Variants in SLC12A9 observed in about 807,000 individuals in gnomAD.
The protein encoded by SLC12A9 is solute carrier family 12 member 9.
In SLC12A9, 55 loss-of-function variants were observed where a neutral mutation model predicts 66.0. The ratio of observed to expected loss-of-function variants is 0.83; its 90% CI spans 0.67 to 1.04. The LOEUF is 1.04. Among genes scored for constraint, SLC12A9 ranks in the 50% least tolerant of loss-of-function variants. The pLI is 0.00. For missense variants in SLC12A9, 1,061 were observed against 1,241.9 expected, an observed-to-expected ratio of 0.85 and a Z score of 2.19; for synonymous variants, 577 against 569.0, an observed-to-expected ratio of 1.01 and a Z score of -0.20.
chr7:100,861,044 C>T lies in SLC12A9; in HGVS notation c.1219-94C>T, dbSNP rs1441159687. On this transcript the variant is annotated intron_variant, in intron 9 of 13. Transcript: ENST00000354161. The surrounding 1 kb of genome is among the most constrained non-coding windows in gnomAD (Gnocchi z 5.3). ...TGGCACTTTCTGGGGCTCATTGACA[C>T]TTTGGGGTACACTGGCATTCTTTGG... 11 of 1,603,506 alleles carry T rather than the reference C, an allele frequency of 6.9e-6. No homozygotes were observed. Among genetic ancestry groups the T allele is most frequent in the Middle Eastern group, 1.6e-4 (1 of 6,076 alleles).
In SLC12A9 at chr7:100,862,709, G is replaced by A. The variant is rs72615164; in HGVS notation, c.1740G>A (p.Pro580=). The change falls in exon 13 of 14, where the codon CCG becomes CCA. Residue 580 remains proline (P), a synonymous_variant. Coordinates refer to ENST00000354161, the MANE Select transcript of SLC12A9 (RefSeq NM_020246.4). The part of the protein sequence containing the change: ...LDSLPSDPVQ[P]QYGAWLSLVD... ...CCCTGCCCTCGGACCCTGTACAGCC[G>A]CAGTATGGGGCATGGCTCAGCCTGG... 0.024 allele frequency: 38,240 copies of A among 1,614,118 alleles called. 3,572 individuals carry two copies. The East Asian group carries it at 0.34, about 14-fold the overall frequency.
At chr7:100,840,444 C>T (rs1202208762) in intron 1 of SLC12A9, among the ~76,000 whole-genome samples, 1 of 152,130 alleles carries the variant, frequency 6.6e-6, no homozygotes, top group Non-Finnish European at 1.5e-5. Context: ...AACCTGTAAG[C>T]CAGGGAACCC....
chr7:100,861,666 G>A lies in SLC12A9; in HGVS notation c.1537-71G>A, dbSNP rs1336147842. 2.5e-5 allele frequency: 40 copies of A among 1,609,518 alleles called. No homozygotes were observed. The highest frequency in any genetic ancestry group is 5.0e-5 in the Admixed American group (3 of 59,948). ...CTCTTTGGCTGGAGTTGGTGCTCCC[G>A]TCCAGGAGGCGCTGAACGGGGCTGT... On this transcript the variant is annotated intron_variant, in intron 11 of 13. Coordinates refer to ENST00000354161, the MANE Select transcript of SLC12A9 (RefSeq NM_020246.4). The surrounding 1 kb of genome is among the most constrained non-coding windows in gnomAD (Gnocchi z 5.3).
intron 1 of SLC12A9, among the ~76,000 whole-genome samples, chr7:100,838,887 A>G (rs1338571880): frequency 2.0e-5 from 3 of 152,180 alleles, no homozygotes; most frequent in African/African-American, 7.2e-5. Context: ...CAGACATTGT[A>G]TAGAAAGGCA....
Position 100,857,033 on chromosome 7 carries a change from C to T in SLC12A9, c.614C>T (p.Ala205Val), listed in dbSNP as rs199624213. 1 of 1,614,230 alleles carries T rather than the reference C, an allele frequency of 6.2e-7. No homozygotes were observed. The highest frequency in any genetic ancestry group is 2.2e-5 in the East Asian group (1 of 44,882). The change falls in exon 5 of 14, where the codon GCC (alanine) becomes GTC (valine). Residue 205 changes from alanine (A) to valine (V), a missense_variant. Transcript: ENST00000354161. ...LTFLLVSGSL[A>V]SVLISFVAVG... ...TTCCTGCTGGTCTCTGGCTCCCTGGCCTCTGTGCTCATCAGTTTTGTGGCT... is the reference window on the plus strand; with the variant it reads ...TTCCTGCTGGTCTCTGGCTCCCTGGTCTCTGTGCTCATCAGTTTTGTGGCT...
intron 5 of SLC12A9, chr7:100,858,569 G>T: frequency 2.7e-6 from 1 of 364,474 alleles, no homozygotes; most frequent in Middle Eastern, 8.5e-4. Flanking sequence ...CAGCCTGGAT[G>T]ACAGAGCCAG....
intron 13 of SLC12A9, among the ~76,000 whole-genome samples, chr7:100,864,109 C>T (rs1472114153): frequency 2.2e-5 from 3 of 138,486 alleles, no homozygotes; most frequent in Middle Eastern, 4.0e-3. Context: ...GACAGGGTCT[C>T]ACTCTGTTGC....
At chr7:100,853,051 G>C (rs1814163144) in intron 1 of SLC12A9, among the ~76,000 whole-genome samples, 1 of 152,062 alleles carries the variant, frequency 6.6e-6, no homozygotes, top group Non-Finnish European at 1.5e-5. Context: ...TGTGGGGAGG[G>C]GTGCCTCGTG....
At chr7:100,832,165 A>C (rs1285946406) in intron 1 of SLC12A9, among the ~76,000 whole-genome samples, 1 of 152,082 alleles carries the variant, frequency 6.6e-6, no homozygotes, top group African/African-American at 2.4e-5. Context: ...GCGCCACTGC[A>C]CTCCAGCCTG....
At chr7:100,844,694 T>C (rs1254221826) in intron 1 of SLC12A9, among the ~76,000 whole-genome samples, 1 of 152,084 alleles carries the variant, frequency 6.6e-6, no homozygotes, top group Admixed American at 6.6e-5. Flanking sequence ...ATGTAACCCT[T>C]TAGAGCTAGT....
At chr7:100,842,117 A>G (rs1250999780) in intron 1 of SLC12A9, among the ~76,000 whole-genome samples, 1 of 138,374 alleles carries the variant, frequency 7.2e-6, no homozygotes, top group East Asian at 2.0e-4. Context: ...GTTCGTACAG[A>G]AAAAAAAAAA....
In SLC12A9 at chr7:100,862,741, G is replaced by A. The variant is rs778257494; in HGVS notation, c.1772G>A (p.Arg591His). 1.3e-5 allele frequency: 21 copies of A among 1,614,024 alleles called. No individual in the cohort carries two copies. The highest frequency in any genetic ancestry group is 4.5e-5 in the East Asian group (2 of 44,894). Reference sequence around the variant, plus strand: ...GGGGCATGGCTCAGCCTGGTGGACCGTGCCCAGGTGAAGGCTTTTGTGGAT... The same window carrying A: ...GGGGCATGGCTCAGCCTGGTGGACCATGCCCAGGTGAAGGCTTTTGTGGAT... ...QYGAWLSLVD[R>H]AQVKAFVDLT... The change falls in exon 13 of 14, where the codon CGT (arginine) becomes CAT (histidine). Residue 591 changes from arginine (R) to histidine (H), a missense_variant. Arg to His is a conservative substitution (Grantham distance 29, BLOSUM62 0). Transcript: ENST00000354161.
chr7:100,833,154 C>T (rs371832313), intron 1 of SLC12A9, among the ~76,000 whole-genome samples: 2 of 152,000 alleles, frequency 1.3e-5, no homozygotes, highest in East Asian at 3.9e-4. Flanking sequence ...TCTCAAACTC[C>T]TACCTAATTC....
chr7:100,866,368 C>A lies in SLC12A9; in HGVS notation c.2508C>A (p.Ser836Arg). ...GDAEAEALAR[S>R]ANALVRAQQG... ...CAGAGGCAGAGGCCCTGGCACGCAG[C>A]GCCAACGCCCTGGTTCGGGCCCAGC... Residue 836 changes from serine to arginine, a missense_variant, in exon 14 of 14, where the codon AGC becomes AGA. By Grantham distance (110) the Ser-to-Arg change is moderately radical. Coordinates refer to ENST00000354161, the MANE Select transcript of SLC12A9 (RefSeq NM_020246.4). This position sits in a 1 kb window ranked among gnomAD's most constrained non-coding sequence, Gnocchi z 7.3. The A allele has an allele frequency of 1.3e-6, 2 of 1,515,174 alleles. No homozygotes were observed. The highest frequency in any genetic ancestry group is 1.3e-5 in the South Asian group (1 of 78,764). 93.9% of individuals were successfully genotyped at this position (1,515,174 alleles called of 1,614,324 possible).
intron 7 of SLC12A9, 143 bp from the exon 8 acceptor site, chr7:100,859,742 A>AT (rs1262088582): frequency 4.8e-6 from 5 of 1,038,974 alleles, no homozygotes; most frequent in Admixed American, 5.1e-5. Flanking sequence ...CCACTGAGTG[A>AT]TTAAATCCAA....
chr7:100,858,015 C>G (rs1814499521), intron 5 of SLC12A9: 1 of 152,108 alleles, frequency 6.6e-6, no homozygotes, highest in Non-Finnish European at 1.5e-5. Flanking sequence ...ACTCAGGAGG[C>G]TGAGGCATGA....
intron 1 of SLC12A9, among the ~76,000 whole-genome samples, chr7:100,830,966 G>A (rs756094250): frequency 2.0e-5 from 3 of 151,884 alleles, no homozygotes; most frequent in Non-Finnish European, 4.4e-5. Context: ...GAACATTCAC[G>A]TTACTACCTG....
chr7:100,854,794 T>C (rs1442577839), intron 3 of SLC12A9, 40 bp downstream of exon 3: 12 of 1,609,928 alleles, frequency 7.5e-6, no homozygotes, highest in Non-Finnish European at 1.0e-5. Context: ...TGGCCTGTTC[T>C]GCCTGCTAGG....
chr7:100,861,986 G>A lies in SLC12A9; in HGVS notation c.1711+75G>A. On this transcript the variant is annotated intron_variant, in intron 12 of 13. Transcript: ENST00000354161. The surrounding 1 kb of genome is among the most constrained non-coding windows in gnomAD (Gnocchi z 5.3). ...ACCTTTTTTTTTTTTTTGAGATGGA[G>A]CTTCGTTCTGTTGCCCAGGCTGGAG... 1.4e-6 allele frequency: 2 copies of A among 1,421,708 alleles called. No individual in the cohort carries two copies. Among genetic ancestry groups the A allele is most frequent in the Non-Finnish European group, 1.9e-6 (2 of 1,070,126 alleles). The allele number at this position is 1,421,708 out of a possible 1,614,324, so 88.1% of individuals were successfully genotyped here.
Sources: gnomAD v4.1 joint callset for allele counts (sites outside exome capture counted in the v4.1 genomes callset) on GRCh38, gnomAD v4.1.1 for gene constraint, Gnocchi (gnomAD v3.1) non-coding constraint, MANE v1.5 for transcripts, NCBI Gene and HGNC (gene_info 2026-07-23, HGNC 2026-07-21) for gene names.